IL1RAPL2: variants seen among roughly 807,000 people sequenced by gnomAD.
IL1RAPL2 encodes the protein interleukin 1 receptor accessory protein like 2.
A neutral mutation model predicts 44.1 loss-of-function variants in IL1RAPL2; 3 were observed. That is an observed-to-expected ratio of 0.07 (90% CI 0.03 to 0.18). IL1RAPL2 has a LOEUF of 0.18. Ranked by LOEUF, IL1RAPL2 falls within the 10% of genes least tolerant of loss-of-function variation. The probability of loss-of-function intolerance (pLI) is 1.00; values close to 1 mark genes in which losing one functional copy is unlikely to be tolerated. For missense variants in IL1RAPL2, 391 were observed against 496.4 expected, an observed-to-expected ratio of 0.79 and a Z score of 2.02; for synonymous variants, 181 against 178.8, an observed-to-expected ratio of 1.01 and a Z score of -0.10.
chrX:105,272,297 G>A (rs978394754), intron 5 of IL1RAPL2, among the ~76,000 whole-genome samples: 11 of 111,158 alleles, frequency 9.9e-5, no homozygotes, highest in Admixed American at 2.9e-4. Context: ...AAAAAAGAAG[G>A]TCAAAGGCAG....
intron 2 of IL1RAPL2, among the ~76,000 whole-genome samples, chrX:104,864,064 T>A (rs1433174582): frequency 8.9e-6 from 1 of 112,024 alleles, no homozygotes; most frequent in African/African-American, 3.2e-5. Context: ...GAACTGACAC[T>A]GAGAACTCTT....
At chrX:105,614,829 G>T (rs1443617059) in intron 6 of IL1RAPL2, among the ~76,000 whole-genome samples, 1 of 111,046 alleles carries the variant, frequency 9.0e-6, no homozygotes, top group East Asian at 2.8e-4. Context: ...TGGACAAATG[G>T]TATCACATCA....
At chrX:105,270,937 G>T (rs1219911960) in intron 5 of IL1RAPL2, among the ~76,000 whole-genome samples, 3 of 111,611 alleles carry the variant, frequency 2.7e-5, no homozygotes, top group Non-Finnish European at 3.8e-5. Flanking sequence ...AATTTTGAAA[G>T]ATTGTCAAAT....
chrX:105,409,629 A>G (rs1228197356), intron 5 of IL1RAPL2, among the ~76,000 whole-genome samples: 4 of 111,304 alleles, frequency 3.6e-5, no homozygotes, highest in Non-Finnish European at 7.5e-5. Context: ...GGAGCCAACC[A>G]CATGAAGATG....
At chrX:104,942,641 A>C (rs372747817) in intron 2 of IL1RAPL2, among the ~76,000 whole-genome samples, 11 of 111,443 alleles carry the variant, frequency 9.9e-5, no homozygotes, top group South Asian at 3.8e-4. Context: ...CGTCTGCAAA[A>C]AGGGACAATT....
intron 5 of IL1RAPL2, chrX:105,407,078 A>G (rs1453782046): frequency 1.6e-6 from 1 of 637,091 alleles, no homozygotes; most frequent in African/African-American, 2.3e-5. Flanking sequence ...GATGTACAAG[A>G]TGAAAATGTT....
At chrX:105,301,926 A>G (rs1019663284) in intron 5 of IL1RAPL2, among the ~76,000 whole-genome samples, 2 of 111,924 alleles carry the variant, frequency 1.8e-5, no homozygotes, top group African/African-American at 6.5e-5. Context: ...TTGTCCTTTC[A>G]AGGAACCTCT....
At position 105,620,955 on chromosome X, in the gene IL1RAPL2, A is replaced by G. The variant is rs1364473930; in HGVS notation, c.773-96412A>G. Among the ~76,000 whole-genome samples the G allele has an allele frequency of 3.6e-5, 4 of 111,273 alleles. No individual in the cohort carries two copies. The East Asian group carries it at 1.1e-3, about 32-fold the overall frequency. On this transcript the variant is annotated intron_variant, in intron 6 of 10. Transcript: ENST00000372582. ...CACCAACCAACATAAGATTGGACCCATGGCCTTGGCTTCTGAGGACAGAAT... is the reference window on the plus strand; with the variant it reads ...CACCAACCAACATAAGATTGGACCCGTGGCCTTGGCTTCTGAGGACAGAAT...
At chrX:105,250,351 AAC>A (rs1354288337) in intron 4 of IL1RAPL2, among the ~76,000 whole-genome samples, 2 of 111,355 alleles carry the variant, frequency 1.8e-5, no homozygotes, top group African/African-American at 6.5e-5. Flanking sequence ...GACTGTACAA[AAC>A]ACAGAGTGCA....
chrX:104,735,623 C>G (rs886603432), intron 2 of IL1RAPL2, among the ~76,000 whole-genome samples: 14 of 111,519 alleles, frequency 1.3e-4, no homozygotes, highest in African/African-American at 4.6e-4. Flanking sequence ...ACAGTAGGCT[C>G]TCTTTAGAAG....
At chrX:105,678,636 C>A (rs1179900830) in intron 6 of IL1RAPL2, among the ~76,000 whole-genome samples, 1 of 110,393 alleles carries the variant, frequency 9.1e-6, no homozygotes, top group Non-Finnish European at 1.9e-5. Context: ...AAGTCTATTG[C>A]CACTGATTTT....
At chrX:104,816,075 TTC>T (rs1205687700) in intron 2 of IL1RAPL2, among the ~76,000 whole-genome samples, 1 of 111,395 alleles carries the variant, frequency 9.0e-6, no homozygotes, top group Non-Finnish European at 1.9e-5. Context: ...TTAATTTATA[TTC>T]TGTTTCTAAT....
chrX:105,218,880 G>C, intron 3 of IL1RAPL2: 11 of 844,866 alleles, frequency 1.3e-5, no homozygotes, highest in East Asian at 3.2e-5. Flanking sequence ...TACCACCCCG[G>C]CCCCCGCCAC....
At chrX:105,484,443 G>T in intron 6 of IL1RAPL2, 56 bp downstream of exon 6, 1 of 806,669 alleles carries the variant, frequency 1.2e-6, no homozygotes, top group South Asian at 2.1e-5. Context: ...TAACAGATGG[G>T]GAAAATTGCA....
At chrX:104,625,989 A>G (rs1164754270) in intron 1 of IL1RAPL2, among the ~76,000 whole-genome samples, 1 of 111,146 alleles carries the variant, frequency 9.0e-6, no homozygotes, top group African/African-American at 3.3e-5. Context: ...ATTTTACTCA[A>G]TATTATACTG....
At chrX:105,336,795 G>T (rs999225620) in intron 5 of IL1RAPL2, among the ~76,000 whole-genome samples, 3 of 111,628 alleles carry the variant, frequency 2.7e-5, no homozygotes, top group African/African-American at 9.8e-5. Flanking sequence ...CTGCCTAATC[G>T]CCAACTCCAC....
At chrX:104,676,238 C>T (rs900154866) in intron 2 of IL1RAPL2, among the ~76,000 whole-genome samples, 8 of 111,421 alleles carry the variant, frequency 7.2e-5, no homozygotes, top group Admixed American at 1.9e-4. Context: ...TGGCTGGTAC[C>T]AGTTGTTCCT....
intron 2 of IL1RAPL2, among the ~76,000 whole-genome samples, chrX:104,728,597 G>A (rs1158726148): frequency 9.0e-6 from 1 of 111,100 alleles, no homozygotes; most frequent in African/African-American, 3.3e-5. Context: ...AATACAACAT[G>A]ACTGACGTCC....
intron 5 of IL1RAPL2, among the ~76,000 whole-genome samples, chrX:105,415,671 T>C (rs1726133505): frequency 8.9e-6 from 1 of 111,975 alleles, no homozygotes; most frequent in Admixed American, 9.5e-5. Context: ...TTCCTACTTA[T>C]GTGCCTTTTC....
Sources: gnomAD v4.1 joint callset for allele counts (sites outside exome capture counted in the v4.1 genomes callset) on GRCh38, gnomAD v4.1.1 for gene constraint, MANE v1.5 for transcripts, NCBI Gene and HGNC (gene_info 2026-07-23, HGNC 2026-07-21) for gene names.